The following RNF130 variants were observed in gnomAD, a reference collection of about 807,000 sequenced individuals.
The protein encoded by RNF130 is ring finger protein 130.
A neutral mutation model predicts 44.6 loss-of-function variants in RNF130; 21 were observed. The observed-to-expected ratio is 0.47, with a 90% confidence interval of 0.33 to 0.68. The LOEUF (loss-of-function observed/expected upper bound fraction) is 0.68. Among genes scored for constraint, RNF130 ranks in the 30% least tolerant of loss-of-function variants. RNF130 has a pLI of 0.02. For missense variants in RNF130, 479 were observed against 560.6 expected, an observed-to-expected ratio of 0.85 and a Z score of 1.47; for synonymous variants, 214 against 210.4, an observed-to-expected ratio of 1.02 and a Z score of -0.15.
intron 5 of RNF130, among the ~76,000 whole-genome samples, chr5:179,971,654 C>T (rs1762589314): frequency 6.6e-6 from 1 of 152,228 alleles, no homozygotes; most frequent in Non-Finnish European, 1.5e-5. Flanking sequence ...CAGGCGTGAG[C>T]CACCACACCC....
chr5:179,970,082 G>T (rs957365475), intron 6 of RNF130, among the ~76,000 whole-genome samples: 3 of 152,058 alleles, frequency 2.0e-5, no homozygotes, highest in African/African-American at 7.2e-5. Context: ...TTGAACCCAG[G>T]AGTTCGAGGT....
intron 7 of RNF130, among the ~76,000 whole-genome samples, chr5:179,946,582 C>T (rs1295371270): frequency 6.8e-6 from 1 of 147,850 alleles, no homozygotes; most frequent in African/African-American, 2.5e-5. Context: ...GAGACGGAGT[C>T]TCGCTCTGTC....
intron 1 of RNF130, among the ~76,000 whole-genome samples, chr5:180,052,062 T>C (rs1054913711): frequency 1.3e-5 from 2 of 152,252 alleles, no homozygotes; most frequent in South Asian, 4.1e-4. Flanking sequence ...TTGGCTCCTA[T>C]CCATCAAGTT....
intron 1 of RNF130, among the ~76,000 whole-genome samples, chr5:180,066,758 G>A (rs1405001099): frequency 6.6e-6 from 1 of 152,066 alleles, no homozygotes; most frequent in Admixed American, 6.6e-5. Context: ...GGCGGAACCC[G>A]GGAGGTGGAG....
chr5:179,975,841 G>A (rs1468558924), intron 5 of RNF130, among the ~76,000 whole-genome samples: 3 of 152,170 alleles, frequency 2.0e-5, no homozygotes, highest in African/African-American at 7.2e-5. Flanking sequence ...CTTCTATGGT[G>A]GCAGGTGCAG....
intron 7 of RNF130, among the ~76,000 whole-genome samples, chr5:179,928,096 A>G (rs1761732249): frequency 6.6e-6 from 1 of 152,134 alleles, no homozygotes; most frequent in African/African-American, 2.4e-5. Context: ...ATCTTTACGG[A>G]CAGGCATTTG....
intron 7 of RNF130, among the ~76,000 whole-genome samples, chr5:179,937,107 G>GAAATATCATCAAAACA (rs1761900047): frequency 1.3e-5 from 2 of 149,232 alleles, no homozygotes; most frequent in African/African-American, 5.1e-5. Flanking sequence ...TCATTAAAAC[G>GAAATATCATCAAAACA]AAATATCATC....
At chr5:179,993,032 T>C (rs1257660922) in intron 3 of RNF130, among the ~76,000 whole-genome samples, 1 of 152,358 alleles carries the variant, frequency 6.6e-6, no homozygotes, top group East Asian at 1.9e-4. Flanking sequence ...GCTTCATCCA[T>C]GTCCCTAAAA....
intron 2 of RNF130, among the ~76,000 whole-genome samples, chr5:180,021,898 G>A (rs1763879570): frequency 1.3e-5 from 2 of 152,152 alleles, no homozygotes; most frequent in African/African-American, 4.8e-5. Context: ...CCAGGTCCGA[G>A]TCACATGCTA....
intron 7 of RNF130, among the ~76,000 whole-genome samples, chr5:179,924,750 C>T (rs533431586): frequency 2.0e-5 from 3 of 152,180 alleles, no homozygotes; most frequent in South Asian, 2.1e-4. Context: ...GATGGTGCCA[C>T]TGCACTCCAC....
chr5:179,929,260 G>A (rs891735045), intron 7 of RNF130, among the ~76,000 whole-genome samples: 4 of 152,156 alleles, frequency 2.6e-5, no homozygotes, highest in African/African-American at 9.7e-5. Flanking sequence ...TCTGTCATGA[G>A]CCAAGTGTCT....
intron 2 of RNF130, among the ~76,000 whole-genome samples, chr5:180,029,154 C>T (rs1582202704): frequency 6.6e-6 from 1 of 152,134 alleles, no homozygotes; most frequent in South Asian, 2.1e-4. Flanking sequence ...GGTACTATAT[C>T]ATCCAACTAA....
chr5:179,937,219 G>A (rs1388934479), intron 7 of RNF130, among the ~76,000 whole-genome samples: 1 of 152,116 alleles, frequency 6.6e-6, no homozygotes, highest in African/African-American at 2.4e-5. Context: ...TCATCAAAAC[G>A]AAAGACTTGT....
At position 180,036,881 on chromosome 5, in the gene RNF130, C is replaced by T. The variant is rs1764262270; in HGVS notation, c.442+3572G>A. On this transcript the variant is annotated intron_variant, in intron 2 of 8. Coordinates refer to ENST00000521389, the MANE Select transcript of RNF130 (RefSeq NM_018434.6). Reference sequence around the variant, plus strand: ...ACATTATAGATACATTTACTTCTCTCTGATCCTATTTCCTTTCTTCCCTCT... The same window carrying T: ...ACATTATAGATACATTTACTTCTCTTTGATCCTATTTCCTTTCTTCCCTCT... 2.0e-5 allele frequency among the ~76,000 whole-genome samples: 3 copies of T among 152,202 alleles called. No individual in the cohort carries two copies. The South Asian group carries it at 6.2e-4, about 31-fold the overall frequency.
chr5:179,973,882 C>T (rs553662799), intron 5 of RNF130, among the ~76,000 whole-genome samples: 40 of 152,280 alleles, frequency 2.6e-4, no homozygotes, highest in African/African-American at 9.1e-4. Context: ...CCAACAAAGT[C>T]CTTTATTCCT....
At chr5:180,063,393 T>C (rs1250117774) in intron 1 of RNF130, among the ~76,000 whole-genome samples, 1 of 152,206 alleles carries the variant, frequency 6.6e-6, no homozygotes, top group Non-Finnish European at 1.5e-5. Flanking sequence ...CTAATTTGTG[T>C]AAATAACAAG....
chr5:179,957,432 G>A (rs1423019630), intron 8 of RNF130, among the ~76,000 whole-genome samples: 1 of 152,096 alleles, frequency 6.6e-6, no homozygotes, highest in East Asian at 1.9e-4. Context: ...ATAAAATAAA[G>A]CAAAATAATA....
At chr5:179,987,664 T>C (rs1762986095) in intron 3 of RNF130, among the ~76,000 whole-genome samples, 1 of 152,266 alleles carries the variant, frequency 6.6e-6, no homozygotes, top group Non-Finnish European at 1.5e-5. Context: ...GTTACTTCTA[T>C]ACCTAATTTG....
downstream of RNF130, among the ~76,000 whole-genome samples, chr5:179,950,794 CATT>C (rs1199744876): frequency 6.6e-6 from 1 of 152,144 alleles, no homozygotes; most frequent in Non-Finnish European, 1.5e-5. Context: ...GTAACACTGT[CATT>C]AAAAGTCCTA....
Sources: gnomAD v4.1 joint callset for allele counts (sites outside exome capture counted in the v4.1 genomes callset) on GRCh38, gnomAD v4.1.1 for gene constraint, MANE v1.5 for transcripts, NCBI Gene and HGNC (gene_info 2026-07-23, HGNC 2026-07-21) for gene names.